PROCR: variants seen among roughly 807,000 people sequenced by gnomAD.
The protein encoded by PROCR is protein C receptor.
PROCR carries 22 observed loss-of-function variants against 24.2 expected under a neutral mutation model. The observed-to-expected ratio is 0.91, with a 90% CI of 0.65 to 1.30. PROCR has a LOEUF of 1.30. PROCR is among the 50% of genes most tolerant of loss of function. The pLI is 0.00. For synonymous variants in PROCR, 137 were observed against 139.2 expected, an observed-to-expected ratio of 0.98 and a Z score of 0.11; for missense variants, 288 against 307.7, an observed-to-expected ratio of 0.94 and a Z score of 0.48.
intron 1 of PROCR, chr20:35,174,403 C>T (rs1007797893): frequency 5.4e-5 from 25 of 465,750 alleles, no homozygotes; most frequent in Non-Finnish European, 8.8e-5. Flanking sequence ...CCATTTGTTC[C>T]GTTGGTTAAC....
At chr20:35,209,720 T>C (rs2060354927) in intron 1 of PROCR, among the ~76,000 whole-genome samples, 1 of 152,150 alleles carries the variant, frequency 6.6e-6, no homozygotes, top group African/African-American at 2.4e-5. Flanking sequence ...TCAACCATGG[T>C]GGTAATTACA....
At chr20:35,173,204 G>A (rs2085967126) in intron 1 of PROCR, among the ~76,000 whole-genome samples, 1 of 152,120 alleles carries the variant, frequency 6.6e-6, no homozygotes, top group Non-Finnish European at 1.5e-5. Context: ...GGTGTAGGAA[G>A]CAGAGATTAC....
chr20:35,175,399 T>TA (rs1458767978), intron 2 of PROCR, among the ~76,000 whole-genome samples: 1 of 136,870 alleles, frequency 7.3e-6, no homozygotes, highest in Admixed American at 7.8e-5. Flanking sequence ...ACCCGAACTC[T>TA]TCCCCCAAAG....
chr20:35,205,864 TGTATAC>T (rs2060339965), intron 1 of PROCR, among the ~76,000 whole-genome samples: 1 of 144,718 alleles, frequency 6.9e-6, no homozygotes, highest in Admixed American at 6.9e-5. Flanking sequence ...CATATACATA[TGTATAC>T]ATGTATATAT....
chr20:35,191,110 AGCATC>A (rs2086169789), intron 1 of PROCR, among the ~76,000 whole-genome samples: 1 of 152,084 alleles, frequency 6.6e-6, no homozygotes, highest in East Asian at 1.9e-4. Flanking sequence ...CACCTACCTC[AGCATC>A]CCAAAGTGCT....
At chr20:35,179,176 TGAGCC>T (rs2086055734), downstream of PROCR, among the ~76,000 whole-genome samples, 1 of 134,834 alleles carries the variant, frequency 7.4e-6, no homozygotes, top group South Asian at 2.3e-4. Context: ...GAGCTTGCAG[TGAGCC>T]GAGATCACGC....
chr20:35,199,760 A>C (rs2060312067), intron 1 of PROCR, among the ~76,000 whole-genome samples: 1 of 152,082 alleles, frequency 6.6e-6, no homozygotes, highest in Non-Finnish European at 1.5e-5. Flanking sequence ...AAAAAAAAAA[A>C]AAACATTTCA....
At chr20:35,193,287 T>C (rs1257550813) in intron 1 of PROCR, among the ~76,000 whole-genome samples, 1 of 152,128 alleles carries the variant, frequency 6.6e-6, no homozygotes, top group East Asian at 1.9e-4. Context: ...GCCATTCTCC[T>C]GCCACAGCCC....
intron 1 of PROCR, among the ~76,000 whole-genome samples, chr20:35,194,769 T>C (rs1022540171): frequency 1.0e-5 from 1 of 99,992 alleles, no homozygotes; most frequent in African/African-American, 4.6e-5. Context: ...ACTCTGAAAA[T>C]GAACTGACAC....
At chr20:35,204,493 G>A (rs1043049079) in intron 1 of PROCR, among the ~76,000 whole-genome samples, 2 of 151,446 alleles carry the variant, frequency 1.3e-5, no homozygotes, top group Non-Finnish European at 2.9e-5. Context: ...CTGGAGTACA[G>A]TGGTGCAATC....
At chr20:35,192,336 C>G (rs1255998064) in intron 1 of PROCR, among the ~76,000 whole-genome samples, 2 of 152,146 alleles carry the variant, frequency 1.3e-5, no homozygotes, top group African/African-American at 2.4e-5. Flanking sequence ...TCAACAGGGA[C>G]AGGTTTATTC....
At chr20:35,207,611 C>T (rs559152854) in intron 1 of PROCR, among the ~76,000 whole-genome samples, 1 of 152,100 alleles carries the variant, frequency 6.6e-6, no homozygotes, top group East Asian at 1.9e-4. Context: ...CTCACTGCAA[C>T]CTCTGCCTCC....
intron 1 of PROCR, among the ~76,000 whole-genome samples, chr20:35,192,187 T>G (rs1194318853): frequency 2.0e-5 from 3 of 152,338 alleles, no homozygotes; most frequent in Non-Finnish European, 4.4e-5. Flanking sequence ...CCGCAGTATC[T>G]ACTAAAGTTG....
In PROCR at chr20:35,174,738, T is replaced by C; in HGVS notation, c.107T>C (p.Phe36Ser). 2 of 1,613,992 alleles carry C rather than the reference T, an allele frequency of 1.2e-6. No homozygotes were observed. The highest frequency in any genetic ancestry group is 1.1e-5 in the South Asian group (1 of 91,068). ...QRLHMLQISY[F>S]RDPYHVWYQG... ...CTTCATATGCTCCAGATCTCCTACT[T>C]CCGCGACCCCTATCACGTGTGGTAC... The change falls in exon 2 of 4, where the codon TTC becomes TCC. Residue 36 changes from phenylalanine (F) to serine (S), a missense_variant. Phe to Ser is a radical substitution (Grantham distance 155, BLOSUM62 -2). Coordinates refer to ENST00000216968, the MANE Select transcript of PROCR (RefSeq NM_006404.5).
chr20:35,176,447 G>A lies in PROCR; in HGVS notation c.601+1G>A, dbSNP rs140862373. 1.2e-6 allele frequency: 2 copies of A among 1,613,652 alleles called. No individual in the cohort carries two copies. Among genetic ancestry groups the A allele is most frequent in the Admixed American group, 1.7e-5 (1 of 60,026 alleles). ...CATATTTCCGCGGAAAACACGAAAG[G>A]TATGATGGGACGGGGCCCAGGCCTG... On this transcript the variant is annotated splice_donor_variant, in intron 3 of 3. Coordinates refer to ENST00000216968, the MANE Select transcript of PROCR (RefSeq NM_006404.5). LOFTEE classifies it high-confidence loss of function.
chr20:35,178,507 G>GTTTTGTTTTGTTTTTT (rs1272557859), downstream of PROCR, among the ~76,000 whole-genome samples: 2 of 34,372 alleles, frequency 5.8e-5, no homozygotes, highest in African/African-American at 3.7e-4. Flanking sequence ...TCAAGTCTCA[G>GTTTTGTTTTGTTTTTT]TTTTTTTTTT....
chr20:35,209,764 G>A (rs927585793), intron 1 of PROCR, among the ~76,000 whole-genome samples: 5 of 152,138 alleles, frequency 3.3e-5, no homozygotes, highest in African/African-American at 7.2e-5. Flanking sequence ...CTTGGTCTAC[G>A]ATGATTTTTT....
intron 1 of PROCR, among the ~76,000 whole-genome samples, chr20:35,189,296 A>G (rs6088761): frequency 0.52 from 60,574 of 116,788 alleles, 14,766 homozygotes; most frequent in African/African-American, 0.73. Context: ...GCCACTCTGG[A>G]GGGGTGTCTG....
chr20:35,215,926 A>G, exon 2 of PROCR: 1 of 981,422 alleles, frequency 1.0e-6, no homozygotes, highest in Non-Finnish European at 1.2e-6. Context: ...GGCCGGGCGC[A>G]GTGGCTCACT....
Sources: gnomAD v4.1 joint callset for allele counts (sites outside exome capture counted in the v4.1 genomes callset) on GRCh38, gnomAD v4.1.1 for gene constraint, MANE v1.5 for transcripts, NCBI Gene and HGNC (gene_info 2026-07-23, HGNC 2026-07-21) for gene names.